Variants in NAA11 observed in about 807,000 individuals in gnomAD.
NAA11 encodes the protein N-alpha-acetyltransferase 11, NatA catalytic subunit.
NAA11 carries 15 observed loss-of-function variants against 16.1 expected under a neutral mutation model. The observed-to-expected ratio is 0.93, with a 90% confidence interval of 0.62 to 1.44. The LOEUF is 1.44. NAA11 is among the 40% of genes most tolerant of loss of function. NAA11 has a pLI of 0.00. For synonymous variants in NAA11, 122 were observed against 112.4 expected, an observed-to-expected ratio of 1.09 and a Z score of -0.54; for missense variants, 298 against 291.3, an observed-to-expected ratio of 1.02 and a Z score of -0.17.
intron 2 of NAA11, among the ~76,000 whole-genome samples, chr4:79,253,569 A>T (rs1722041115): frequency 6.6e-6 from 1 of 152,062 alleles, no homozygotes; most frequent in Admixed American, 6.5e-5. Flanking sequence ...GAGAGAGAGA[A>T]CTAAAGTTTA....
the NAA11 span, among the ~76,000 whole-genome samples, chr4:79,174,664 G>A: frequency 6.6e-6 from 1 of 152,218 alleles, no homozygotes; most frequent in African/African-American, 2.4e-5. Context: ...CCTTAGCTTT[G>A]AAACATCAAC....
downstream of NAA11, among the ~76,000 whole-genome samples, chr4:79,315,798 G>A (rs1456763565): frequency 6.6e-6 from 1 of 152,036 alleles, no homozygotes; most frequent in African/African-American, 2.4e-5. Flanking sequence ...CTAAATCACC[G>A]CTACTGTCCT....
intron 2 of NAA11, among the ~76,000 whole-genome samples, chr4:79,264,345 A>T (rs1442660879): frequency 6.6e-6 from 1 of 152,178 alleles, no homozygotes; most frequent in African/African-American, 2.4e-5. Flanking sequence ...AAATTTTTTT[A>T]AAAATTTGTA....
chr4:79,320,465 G>T (rs1724058926), intron 1 of NAA11, among the ~76,000 whole-genome samples: 1 of 152,116 alleles, frequency 6.6e-6, no homozygotes, highest in Non-Finnish European at 1.5e-5. Context: ...CTCAATCATG[G>T]AGTCTGACCA....
the NAA11 span, among the ~76,000 whole-genome samples, chr4:79,194,886 C>G: frequency 1.5e-4 from 23 of 152,146 alleles, no homozygotes; most frequent in South Asian, 4.8e-3. Flanking sequence ...AAGTAACTTG[C>G]TCAGTGTCAC....
At chr4:79,296,578 A>G (rs1271036347) in intron 1 of NAA11, among the ~76,000 whole-genome samples, 1 of 152,172 alleles carries the variant, frequency 6.6e-6, no homozygotes, top group Non-Finnish European at 1.5e-5. Flanking sequence ...TTCAGCATTC[A>G]ATCTTCAATT....
chr4:79,292,617 T>G (rs72664040), intron 2 of NAA11, among the ~76,000 whole-genome samples: 6 of 152,334 alleles, frequency 3.9e-5, no homozygotes, highest in Admixed American at 6.5e-5. Context: ...TTTACAGATG[T>G]CAAAGGCATT....
At chr4:79,218,345 T>G in the NAA11 span, among the ~76,000 whole-genome samples, 2 of 150,494 alleles carry the variant, frequency 1.3e-5, no homozygotes, top group East Asian at 3.9e-4. Context: ...ATAAGTTAGT[T>G]TTTTTTTTTT....
chr4:79,278,404 TC>T (rs1163070673), intron 2 of NAA11, among the ~76,000 whole-genome samples: 1 of 152,130 alleles, frequency 6.6e-6, no homozygotes, highest in Non-Finnish European at 1.5e-5. Context: ...ATTACCTAGT[TC>T]CTACCTCTTC....
the NAA11 span, among the ~76,000 whole-genome samples, chr4:79,167,086 G>C: frequency 9.1e-6 from 1 of 109,518 alleles, no homozygotes; most frequent in African/African-American, 3.4e-5. Flanking sequence ...AGTCACCAAA[G>C]AAGGGGAAAC....
At chr4:79,169,173 A>G in the NAA11 span, among the ~76,000 whole-genome samples, 1 of 152,216 alleles carries the variant, frequency 6.6e-6, no homozygotes, top group Admixed American at 6.5e-5. Context: ...GAAAATGGCC[A>G]TGCTGCACAA....
chr4:79,309,504 T>C (rs1723697393), intron 1 of NAA11, among the ~76,000 whole-genome samples: 1 of 152,148 alleles, frequency 6.6e-6, no homozygotes, highest in African/African-American at 2.4e-5. Flanking sequence ...GATTAAGAGA[T>C]TTGATGTGTT....
intron 1 of NAA11, among the ~76,000 whole-genome samples, chr4:79,306,301 G>C (rs1723577942): frequency 6.6e-6 from 1 of 152,202 alleles, no homozygotes; most frequent in Non-Finnish European, 1.5e-5. Context: ...TAGTCTCACA[G>C]TTTGGGATGC....
chr4:79,320,137 C>T (rs1456196964), intron 1 of NAA11, among the ~76,000 whole-genome samples: 1 of 152,164 alleles, frequency 6.6e-6, no homozygotes, highest in Non-Finnish European at 1.5e-5. Context: ...CCTCAACCAG[C>T]ATGTTTTGAA....
chr4:79,171,428 A>G, the NAA11 span, among the ~76,000 whole-genome samples: 11 of 152,176 alleles, frequency 7.2e-5, no homozygotes, highest in Non-Finnish European at 1.5e-4. Flanking sequence ...TGGACTTCCC[A>G]GCCTCCAGAG....
chr4:79,189,158 A>AAAAAAAAAAAAAAAAAAAAAG, the NAA11 span, among the ~76,000 whole-genome samples: 1 of 148,018 alleles, frequency 6.8e-6, no homozygotes, highest in Non-Finnish European at 1.5e-5. Context: ...AAAAAAAAAA[A>AAAAAAAAAAAAAAAAAAAAAG]AAAAAACTTA....
intron 2 of NAA11, among the ~76,000 whole-genome samples, chr4:79,272,934 T>C (rs557616141): frequency 1.3e-5 from 2 of 151,940 alleles, no homozygotes; most frequent in South Asian, 2.1e-4. Context: ...TTTTTCTCCA[T>C]ACAGTTCTTC....
At chr4:79,178,131 C>T in the NAA11 span, among the ~76,000 whole-genome samples, 4 of 152,126 alleles carry the variant, frequency 2.6e-5, no homozygotes, top group African/African-American at 9.7e-5. Flanking sequence ...TTTTAAACTT[C>T]CTTTGCTGGC....
chr4:79,194,509 A>G, the NAA11 span, among the ~76,000 whole-genome samples: 2 of 152,046 alleles, frequency 1.3e-5, no homozygotes, highest in Admixed American at 6.6e-5. Context: ...TGCTTAGGGC[A>G]AGTGTCCGGA....
Sources: allele counts gnomAD v4.1 joint callset (sites outside exome capture counted in the v4.1 genomes callset), GRCh38; gene constraint gnomAD v4.1.1; transcripts MANE v1.5; gene names NCBI Gene and HGNC (gene_info 2026-07-23, HGNC 2026-07-21).